SSH2: variants seen among roughly 807,000 people sequenced by gnomAD.
SSH2 encodes the protein slingshot protein phosphatase 2.
Under a neutral mutation model 135.2 loss-of-function variants are expected in SSH2, and 37 were observed. The ratio of observed to expected loss-of-function variants is 0.27; its 90% CI spans 0.21 to 0.36. The LOEUF (loss-of-function observed/expected upper bound fraction) is 0.36, where lower values mean the gene tolerates loss of function less well. Ranked by LOEUF, SSH2 falls within the 10% of genes least tolerant of loss-of-function variation. The pLI, the probability that SSH2 is intolerant of heterozygous loss-of-function variation, is 1.00. For synonymous variants in SSH2, 628 were observed against 646.2 expected, an observed-to-expected ratio of 0.97 and a Z score of 0.43; for missense variants, 1,408 against 1,765.3, an observed-to-expected ratio of 0.80 and a Z score of 3.63.
chr17:29,716,626 T>C (rs1446640534), intron 3 of SSH2: 1 of 673,896 alleles, frequency 1.5e-6, no homozygotes, highest in East Asian at 3.3e-5. Context: ...CAACTCCATC[T>C]TTTCTAAAAG....
At chr17:29,733,910 CTTT>C (rs200752788) in intron 3 of SSH2, among the ~76,000 whole-genome samples, 7 of 130,466 alleles carry the variant, frequency 5.4e-5, no homozygotes, top group African/African-American at 5.7e-5. Context: ...TAATTTCTTT[CTTT>C]TTTTTTTTTT....
At chr17:29,864,098 G>C (rs2065812129) in intron 1 of SSH2, 1 of 152,192 alleles carries the variant, frequency 6.6e-6, no homozygotes, top group Non-Finnish European at 1.5e-5. Flanking sequence ...GAGGTCAGGA[G>C]TTTAAGACCA....
At chr17:29,913,356 A>AAAAAAAT (rs1567650094) in intron 1 of SSH2, among the ~76,000 whole-genome samples, 12 of 71,022 alleles carry the variant, frequency 1.7e-4, no homozygotes, top group East Asian at 9.2e-4. Context: ...AAATATATAT[A>AAAAAAAT]TATATATATA....
chr17:29,833,638 T>G (rs1009473307), intron 2 of SSH2, among the ~76,000 whole-genome samples: 4 of 127,546 alleles, frequency 3.1e-5, no homozygotes, highest in Admixed American at 9.2e-5. Context: ...TTGTTTTCTG[T>G]TTTTTTTTCC....
chr17:29,640,760 C>T (rs1035115125), intron 14 of SSH2: 1 of 152,200 alleles, frequency 6.6e-6, no homozygotes, highest in African/African-American at 2.4e-5. Flanking sequence ...CCTCCTCACT[C>T]CTCCCTACTC....
At position 29,913,317 on chromosome 17, in the gene SSH2, C is replaced by CAAA. The variant is rs1207663146; in HGVS notation, c.63+16618_63+16620dup. Among the ~76,000 whole-genome samples the CAAA allele has an allele frequency of 6.4e-3, 22 of 3,428 alleles. 6 individuals carry two copies. Among genetic ancestry groups the CAAA allele is most frequent in the African/African-American group, 0.013 (17 of 1,352 alleles). 2.2% of individuals were successfully genotyped at this position (3,428 alleles called of 152,430 possible). On this transcript the variant is annotated intron_variant, in intron 1 of 15. Transcript: ENST00000540801. ...TGGGCGACAGAGCGAGACGCCATCT[C>CAAA]AAAAAAAAAAAAAAAAAAAAAAAAA...
rs546231378 is a variant in SSH2, at chr17:29,815,449, C to T, written c.145-21512G>A. ...TATTTTTTGTATTTTTTAGTAGAGA[C>T]GGGGTTTTGCCATGTTGGCCAGGCT... On this transcript the variant is annotated intron_variant, in intron 2 of 15. Coordinates refer to ENST00000540801, the MANE Select transcript of SSH2 (RefSeq NM_001282129.2). Among the ~76,000 whole-genome samples, 25 of 151,840 alleles carry T rather than the reference C, an allele frequency of 1.6e-4. 1 individual carries two copies. In the South Asian group the frequency reaches 4.0e-3, roughly 24 times the overall value.
Position 29,655,425 on chromosome 17 carries a change from A to C in SSH2, c.1079+136T>G. The C allele has an allele frequency of 4.6e-6, 4 of 862,278 alleles. No homozygotes were observed. In the South Asian group the frequency reaches 5.6e-5, roughly 12 times the overall value. 53.4% of individuals were successfully genotyped at this position (862,278 alleles called of 1,614,324 possible). A position where few individuals can be genotyped will look rare whatever the true frequency, so the allele number is the denominator to read the frequency against. ...GCCCAGCTATTTTTATTTTTCTTAG[A>C]TTACATCTGATTAGAATCAGTCAGA... is the stretch of plus-strand genomic sequence containing the variant. On this transcript the variant is annotated intron_variant, in intron 12 of 15. Coordinates refer to ENST00000540801, the MANE Select transcript of SSH2 (RefSeq NM_001282129.2).
chr17:29,746,669 G>T (rs1438837979), intron 3 of SSH2, among the ~76,000 whole-genome samples: 1 of 152,024 alleles, frequency 6.6e-6, no homozygotes, highest in African/African-American at 2.4e-5. Context: ...AACTTAAAAG[G>T]GACGTGGGTC....
chr17:29,826,279 A>G (rs2151352964), intron 2 of SSH2, among the ~76,000 whole-genome samples: 1 of 152,310 alleles, frequency 6.6e-6, no homozygotes, highest in East Asian at 1.9e-4. Context: ...AACAGCTCTT[A>G]AGACTTAAAA....
intron 3 of SSH2, among the ~76,000 whole-genome samples, chr17:29,758,183 A>AG (rs1184418881): frequency 1.3e-5 from 2 of 152,256 alleles, no homozygotes; most frequent in Admixed American, 6.5e-5. Context: ...TATATTTTTC[A>AG]GGAAGTTGAA....
chr17:29,679,882 T>G (rs1045189642), intron 6 of SSH2, among the ~76,000 whole-genome samples: 8 of 152,216 alleles, frequency 5.3e-5, no homozygotes, highest in Non-Finnish European at 1.2e-4. Context: ...ATTGAACATC[T>G]ACTATGCCAA....
At position 29,650,807 on chromosome 17, in the gene SSH2, G is replaced by A. The variant is rs2036553275; in HGVS notation, c.1080-7C>T. Reference sequence around the variant, plus strand: ...ATTCAAGATATACCGTACCCTGCAAGGAAACCAAGGGAGAATATGTGCTCT... The same window carrying A: ...ATTCAAGATATACCGTACCCTGCAAAGAAACCAAGGGAGAATATGTGCTCT... On this transcript the variant is annotated splice_region_variant and splice_polypyrimidine_tract_variant and intron_variant, in intron 12 of 15. Transcript: ENST00000540801. The A allele has an allele frequency of 6.3e-7, 1 of 1,593,434 alleles. No homozygotes were observed. Among genetic ancestry groups the A allele is most frequent in the Non-Finnish European group, 8.6e-7 (1 of 1,168,846 alleles).
chr17:29,637,939 C>A (rs1385230378), intron 14 of SSH2, among the ~76,000 whole-genome samples: 1 of 151,874 alleles, frequency 6.6e-6, no homozygotes, highest in African/African-American at 2.4e-5. Flanking sequence ...CATGGTGAAA[C>A]CCCGTCTCTA....
chr17:29,842,838 T>A lies in SSH2; in HGVS notation c.144+6011A>T, dbSNP rs2043066638. 2.0e-5 allele frequency among the ~76,000 whole-genome samples: 3 copies of A among 152,176 alleles called. No homozygotes were observed. The South Asian group carries it at 6.2e-4, about 31-fold the overall frequency. Reference sequence around the variant, plus strand: ...TTTCTGACGATGGGCCCTAACAATCTCTCTACAATGCAGCAGAGGTGATGC... The same window carrying A: ...TTTCTGACGATGGGCCCTAACAATCACTCTACAATGCAGCAGAGGTGATGC... On this transcript the variant is annotated intron_variant, in intron 2 of 15. Transcript: ENST00000540801.
rs865840058 is a variant in SSH2, at chr17:29,799,472, T to C, written c.145-5535A>G. ...CAGATGTTTTCTATTTTTGCCAGTC[T>C]AATGTTTTATCTCATTATGGTCTTA... On this transcript the variant is annotated intron_variant, in intron 2 of 15. Transcript: ENST00000540801. 2.0e-5 allele frequency among the ~76,000 whole-genome samples: 3 copies of C among 152,338 alleles called. No homozygotes were observed. In the South Asian group the frequency reaches 6.2e-4, roughly 32 times the overall value.
chr17:29,910,257 T>C (rs1261404212), intron 1 of SSH2, among the ~76,000 whole-genome samples: 1 of 152,166 alleles, frequency 6.6e-6, no homozygotes, highest in Non-Finnish European at 1.5e-5. Context: ...CTCACTGTTA[T>C]TCTTACTTTT....
chr17:29,749,002 T>TA (rs1372932825), intron 3 of SSH2, among the ~76,000 whole-genome samples: 6 of 152,222 alleles, frequency 3.9e-5, no homozygotes, highest in African/African-American at 1.4e-4. Context: ...AATGTGTCAT[T>TA]ACATTAGCAG....
chr17:29,709,015 T>TATATATATATATATATAGAG (rs780981175), intron 3 of SSH2, among the ~76,000 whole-genome samples: 6 of 81,594 alleles, frequency 7.4e-5, no homozygotes, highest in African/African-American at 1.2e-4. Context: ...TATATATATA[T>TATATATATATATATATAGAG]AGAGAGAGAG....
Sources: allele counts gnomAD v4.1 joint callset (sites outside exome capture counted in the v4.1 genomes callset), GRCh38; gene constraint gnomAD v4.1.1; transcripts MANE v1.5; gene names NCBI Gene and HGNC (gene_info 2026-07-23, HGNC 2026-07-21).